Variants in CDK19 observed in about 807,000 individuals in gnomAD.
CDK19 encodes cyclin dependent kinase 19.
Under a neutral mutation model 68.3 loss-of-function variants are expected in CDK19, and 20 were observed. That is an observed-to-expected ratio of 0.29 (90% CI 0.21 to 0.43). The LOEUF (loss-of-function observed/expected upper bound fraction) is 0.43. CDK19 is among the 20% of genes least tolerant of loss of function. CDK19 has a pLI of 1.00. For synonymous variants in CDK19, 221 were observed against 222.8 expected (o/e 0.99, Z 0.07); for missense variants, 339 against 623.5 (o/e 0.54, Z 4.86).
At chr6:110,693,272 G>C (rs969646212) in intron 2 of CDK19, among the ~76,000 whole-genome samples, 1 of 152,252 alleles carries the variant, frequency 6.6e-6, no homozygotes, top group Non-Finnish European at 1.5e-5. Flanking sequence ...AAAAGTGTGA[G>C]AGAGGGAAAA....
intron 2 of CDK19, among the ~76,000 whole-genome samples, chr6:110,740,533 C>T (rs1404961561): frequency 6.6e-6 from 1 of 152,270 alleles, no homozygotes; most frequent in Non-Finnish European, 1.5e-5. Flanking sequence ...GGTAATAACA[C>T]ATTTCATTCT....
intron 2 of CDK19, among the ~76,000 whole-genome samples, chr6:110,734,536 T>TCTCTCTCTCTCC (rs1777070191): frequency 6.8e-6 from 1 of 147,218 alleles, no homozygotes; most frequent in Non-Finnish European, 1.5e-5. Flanking sequence ...TCTCTCTCTC[T>TCTCTCTCTCTCC]CTCTCTCTCT....
chr6:110,707,196 C>T (rs1185089704), intron 2 of CDK19, among the ~76,000 whole-genome samples: 1 of 151,778 alleles, frequency 6.6e-6, no homozygotes, highest in Non-Finnish European at 1.5e-5. Context: ...ATTAGCCAGG[C>T]GTAGTCACAC....
chr6:110,759,404 TAAAAAAAA>T (rs1157889434), intron 1 of CDK19, among the ~76,000 whole-genome samples: 4 of 57,218 alleles, frequency 7.0e-5, no homozygotes, highest in Admixed American at 5.2e-4. Flanking sequence ...GACTCCGTCT[TAAAAAAAA>T]AAAAAAAAAA....
chr6:110,744,256 C>A (rs930928571), intron 2 of CDK19, among the ~76,000 whole-genome samples: 1 of 151,944 alleles, frequency 6.6e-6, no homozygotes, highest in Non-Finnish European at 1.5e-5. Flanking sequence ...ATCCACCCCC[C>A]CAACAGCCTC....
At chr6:110,790,761 G>A (rs2115067502) in intron 1 of CDK19, among the ~76,000 whole-genome samples, 1 of 152,148 alleles carries the variant, frequency 6.6e-6, no homozygotes. Context: ...GTTTTAACTG[G>A]ACATCTGTTG....
chr6:110,672,654 A>C (rs756921874), intron 2 of CDK19, among the ~76,000 whole-genome samples: 1 of 152,204 alleles, frequency 6.6e-6, no homozygotes, highest in African/African-American at 2.4e-5. Context: ...ATATGAATAT[A>C]TATTTTATCC....
chr6:110,758,526 G>A (rs1778982937), intron 1 of CDK19, among the ~76,000 whole-genome samples: 1 of 152,048 alleles, frequency 6.6e-6, no homozygotes, highest in South Asian at 2.1e-4. Flanking sequence ...TATTCTCTAG[G>A]AGCTAAGTAC....
chr6:110,806,848 T>G (rs1432015605), intron 1 of CDK19, among the ~76,000 whole-genome samples: 1 of 151,874 alleles, frequency 6.6e-6, no homozygotes, highest in African/African-American at 2.4e-5. Flanking sequence ...TATAGTGGTA[T>G]ATGCCTGTGG....
At chr6:110,801,529 T>C in intron 1 of CDK19, among the ~76,000 whole-genome samples, 1 of 152,100 alleles carries the variant, frequency 6.6e-6, no homozygotes, top group South Asian at 2.1e-4. Flanking sequence ...GTTTTTTTTT[T>C]GAGACAGGGT....
chr6:110,702,613 A>G (rs943431475), intron 2 of CDK19, among the ~76,000 whole-genome samples: 9 of 152,122 alleles, frequency 5.9e-5, no homozygotes, highest in East Asian at 1.9e-4. Flanking sequence ...GGAGACAGAG[A>G]AAGACTCTGA....
chr6:110,739,222 G>A (rs1168054606), intron 2 of CDK19, among the ~76,000 whole-genome samples: 1 of 152,186 alleles, frequency 6.6e-6, no homozygotes, highest in Non-Finnish European at 1.5e-5. Flanking sequence ...CCTCTGGGAG[G>A]TGACTAGGTC....
intron 4 of CDK19, among the ~76,000 whole-genome samples, chr6:110,640,038 A>G (rs1780033949): frequency 6.6e-6 from 1 of 152,042 alleles, no homozygotes; most frequent in African/African-American, 2.4e-5. Context: ...AACACAAAAT[A>G]GTAAGATTCT....
At position 110,729,285 on chromosome 6, in the gene CDK19, T is replaced by C. The variant is rs560253466; in HGVS notation, c.204+16841A>G. Reference sequence around the variant, plus strand: ...GTAGAACTAAATAAATATATGTTGATTATTTAAAATGTCTACCTTCTATTG... The same window carrying C: ...GTAGAACTAAATAAATATATGTTGACTATTTAAAATGTCTACCTTCTATTG... On this transcript the variant is annotated intron_variant, in intron 2 of 12. Coordinates refer to ENST00000368911, the MANE Select transcript of CDK19 (RefSeq NM_015076.5). Among the ~76,000 whole-genome samples the C allele has an allele frequency of 8.5e-5, 13 of 152,284 alleles. No individual in the cohort carries two copies. The East Asian group carries it at 2.3e-3, about 27-fold the overall frequency.
At chr6:110,650,749 T>C (rs897119315) in intron 4 of CDK19, among the ~76,000 whole-genome samples, 1 of 151,880 alleles carries the variant, frequency 6.6e-6, no homozygotes, top group Non-Finnish European at 1.5e-5. Flanking sequence ...CTAAGGAGAA[T>C]AGAACGGGTC....
chr6:110,732,316 C>G (rs185997382), intron 2 of CDK19, among the ~76,000 whole-genome samples: 3 of 151,900 alleles, frequency 2.0e-5, no homozygotes, highest in African/African-American at 7.3e-5. Flanking sequence ...GCTGTCACGG[C>G]GCAAAACCCT....
intron 2 of CDK19, among the ~76,000 whole-genome samples, chr6:110,673,716 A>G (rs1290338536): frequency 6.6e-6 from 1 of 152,166 alleles, no homozygotes; most frequent in Non-Finnish European, 1.5e-5. Context: ...GATTTGGTAT[A>G]AAAGAAAAAT....
intron 1 of CDK19, among the ~76,000 whole-genome samples, chr6:110,806,407 T>C (rs1000507943): frequency 3.3e-5 from 5 of 151,974 alleles, no homozygotes; most frequent in African/African-American, 1.2e-4. Context: ...CCCCCCCATC[T>C]CCAGTCTTCA....
chr6:110,757,337 T>C (rs1045439599), intron 1 of CDK19, among the ~76,000 whole-genome samples: 11 of 152,088 alleles, frequency 7.2e-5, no homozygotes, highest in African/African-American at 2.7e-4. Flanking sequence ...TGGGATATGC[T>C]AAGAAAATTG....
Sources: gnomAD v4.1 joint callset for allele counts (sites outside exome capture counted in the v4.1 genomes callset) on GRCh38, gnomAD v4.1.1 for gene constraint, MANE v1.5 for transcripts, NCBI Gene and HGNC (gene_info 2026-07-23, HGNC 2026-07-21) for gene names.